Variants in ZBTB20 observed in about 807,000 individuals in gnomAD.
The protein encoded by ZBTB20 is zinc finger and BTB domain containing 20.
Under a neutral mutation model 56.9 loss-of-function variants are expected in ZBTB20, and 9 were observed. The ratio of observed to expected loss-of-function variants is 0.16; its 90% CI spans 0.10 to 0.28. ZBTB20 has a LOEUF of 0.28. Among genes scored for constraint, ZBTB20 ranks in the 10% least tolerant of loss-of-function variants. The pLI, the probability that ZBTB20 is intolerant of heterozygous loss-of-function variation, is 1.00. For missense variants in ZBTB20, 655 were observed against 1,003.0 expected (o/e 0.65, Z 4.69); for synonymous variants, 417 against 420.7 (o/e 0.99, Z 0.11).
chr3:114,983,672 T>G (rs2078421368), intron 2 of ZBTB20, among the ~76,000 whole-genome samples: 1 of 152,050 alleles, frequency 6.6e-6, no homozygotes, highest in South Asian at 2.1e-4. Flanking sequence ...CTTTTGCCTA[T>G]CTGTGATATA....
At chr3:114,375,519 T>A (rs1221257650) in intron 10 of ZBTB20, among the ~76,000 whole-genome samples, 4 of 152,364 alleles carry the variant, frequency 2.6e-5, no homozygotes, top group African/African-American at 9.6e-5. Context: ...AATAACTTTT[T>A]AAGCCTTAAG....
intron 7 of ZBTB20, among the ~76,000 whole-genome samples, chr3:114,460,544 T>C (rs1240948612): frequency 1.3e-5 from 2 of 151,856 alleles, no homozygotes; most frequent in African/African-American, 4.8e-5. Flanking sequence ...CACCAAGGAG[T>C]GCAGGGTCCT....
chr3:114,652,266 C>T (rs2060178040), intron 6 of ZBTB20, among the ~76,000 whole-genome samples: 1 of 152,012 alleles, frequency 6.6e-6, no homozygotes, highest in African/African-American at 2.4e-5. Flanking sequence ...CTTCACATAA[C>T]TTATGTATAC....
At chr3:114,636,867 C>T (rs1173182934) in intron 6 of ZBTB20, among the ~76,000 whole-genome samples, 1 of 151,534 alleles carries the variant, frequency 6.6e-6, no homozygotes, top group South Asian at 2.1e-4. Context: ...TACAAACTGG[C>T]TGAAGAGATT....
intron 1 of ZBTB20, among the ~76,000 whole-genome samples, chr3:115,091,733 T>TATAC (rs1553893251): frequency 6.6e-6 from 1 of 150,634 alleles, no homozygotes; most frequent in Non-Finnish European, 1.5e-5. Flanking sequence ...TATATATATA[T>TATAC]ACACGAGAAT....
Position 114,986,732 on chromosome 3 carries a change from T to C in ZBTB20, c.-506-12316A>G, listed in dbSNP as rs189666915. 2.6e-3 allele frequency among the ~76,000 whole-genome samples: 393 copies of C among 152,270 alleles called. 2 individuals are homozygous for C. Among genetic ancestry groups the C allele is most frequent in the African/African-American group, 9.3e-3 (385 of 41,560 alleles). On this transcript the variant is annotated intron_variant, in intron 2 of 11. Coordinates refer to ENST00000675478, the MANE Select transcript of ZBTB20 (RefSeq NM_001348800.3). Reference sequence around the variant, plus strand: ...TTCAAAAGGTATTTTAAACGCATTATATGTTTTTCAAAATTGTGTTTTAAC... The same window carrying C: ...TTCAAAAGGTATTTTAAACGCATTACATGTTTTTCAAAATTGTGTTTTAAC...
chr3:114,668,877 C>T, intron 6 of ZBTB20, among the ~76,000 whole-genome samples: 1 of 152,068 alleles, frequency 6.6e-6, no homozygotes, highest in African/African-American at 2.4e-5. Flanking sequence ...CATTTACACA[C>T]ATCATAGTTC....
intron 5 of ZBTB20, among the ~76,000 whole-genome samples, chr3:114,797,440 T>C (rs913970546): frequency 1.3e-5 from 2 of 151,870 alleles, no homozygotes; most frequent in African/African-American, 4.8e-5. Context: ...TCCCTCTTCA[T>C]AGGCTTCTTG....
intron 5 of ZBTB20, among the ~76,000 whole-genome samples, chr3:114,696,575 G>A (rs1264684110): frequency 6.6e-6 from 1 of 151,986 alleles, no homozygotes; most frequent in Non-Finnish European, 1.5e-5. Flanking sequence ...AACTAAAAAG[G>A]AAGACCAAAA....
chr3:115,127,799 T>C (rs1168436344), intron 1 of ZBTB20, among the ~76,000 whole-genome samples: 2 of 152,154 alleles, frequency 1.3e-5, no homozygotes, highest in African/African-American at 4.8e-5. Context: ...AATTATTTGA[T>C]TTCTGTCTAT....
chr3:115,033,966 T>A (rs555804561), intron 2 of ZBTB20, among the ~76,000 whole-genome samples: 5 of 151,794 alleles, frequency 3.3e-5, no homozygotes, highest in African/African-American at 9.6e-5. Flanking sequence ...CCCATCAACA[T>A]AATACACCAC....
chr3:114,791,401 G>A (rs966757109), intron 5 of ZBTB20, among the ~76,000 whole-genome samples: 3 of 152,126 alleles, frequency 2.0e-5, no homozygotes, highest in African/African-American at 7.2e-5. Context: ...AAACTTCACT[G>A]ACAAGTTTTT....
intron 6 of ZBTB20, among the ~76,000 whole-genome samples, chr3:114,691,713 T>A (rs2062707714): frequency 6.6e-6 from 1 of 152,030 alleles, no homozygotes; most frequent in African/African-American, 2.4e-5. Flanking sequence ...TATGATAACA[T>A]CATGTTTTAA....
At chr3:115,118,384 C>A (rs2084082132) in intron 1 of ZBTB20, among the ~76,000 whole-genome samples, 1 of 152,078 alleles carries the variant, frequency 6.6e-6, no homozygotes, top group Non-Finnish European at 1.5e-5. Flanking sequence ...TCTCTTCTAA[C>A]TACTAATGAT....
intron 6 of ZBTB20, among the ~76,000 whole-genome samples, chr3:114,501,338 A>C (rs1017496721): frequency 6.6e-6 from 1 of 152,152 alleles, no homozygotes; most frequent in African/African-American, 2.4e-5. Context: ...TTAAATTACA[A>C]GCCAGGCTAG....
At chr3:114,556,412 A>G (rs1428576822) in intron 6 of ZBTB20, among the ~76,000 whole-genome samples, 1 of 152,020 alleles carries the variant, frequency 6.6e-6, no homozygotes, top group Admixed American at 6.6e-5. Flanking sequence ...TCTAAAACAT[A>G]TCTATTCCTC....
At chr3:115,115,859 G>A (rs556485633) in intron 1 of ZBTB20, among the ~76,000 whole-genome samples, 3 of 151,970 alleles carry the variant, frequency 2.0e-5, no homozygotes, top group South Asian at 2.1e-4. Context: ...TTCCACCATC[G>A]CACACCATAC....
At chr3:114,471,374 T>C (rs1377553420) in intron 7 of ZBTB20, among the ~76,000 whole-genome samples, 2 of 152,212 alleles carry the variant, frequency 1.3e-5, no homozygotes, top group Non-Finnish European at 2.9e-5. Flanking sequence ...CTTTGCTTTT[T>C]GTACTTTGCT....
intron 5 of ZBTB20, among the ~76,000 whole-genome samples, chr3:114,747,744 C>A (rs2067154985): frequency 1.9e-4 from 1 of 5,242 alleles, no homozygotes; most frequent in African/African-American, 2.0e-4. Flanking sequence ...CGGTGAAACC[C>A]CGTCTCTACT....
Sources: allele counts gnomAD v4.1 joint callset (sites outside exome capture counted in the v4.1 genomes callset), GRCh38; gene constraint gnomAD v4.1.1; transcripts MANE v1.5; gene names NCBI Gene and HGNC (gene_info 2026-07-23, HGNC 2026-07-21).